The following CSMD1 variants were observed in gnomAD, a reference collection of about 807,000 sequenced individuals.
CSMD1 encodes CUB and sushi domain-containing protein 1.
CSMD1 carries 213 observed loss-of-function variants against 417.5 expected under a neutral mutation model. That is an observed-to-expected ratio of 0.51 (90% confidence interval 0.46 to 0.57). CSMD1 has a LOEUF of 0.57. Among genes scored for constraint, CSMD1 ranks in the 20% least tolerant of loss-of-function variants. The pLI, the probability that CSMD1 is intolerant of heterozygous loss-of-function variation, is 0.00. For synonymous variants in CSMD1, 2,862 were observed against 1,736.8 expected (o/e 1.65, Z -16.11); for missense variants, 6,923 against 4,529.7 (o/e 1.53, Z -15.17).
Position 3,024,464 on chromosome 8 carries a change from C to T in CSMD1, c.7855+4855G>A, listed in dbSNP as rs11991115. 8.3e-3 allele frequency among the ~76,000 whole-genome samples: 1,261 copies of T among 152,140 alleles called. 24 individuals are homozygous for T. Among genetic ancestry groups the T allele is most frequent in the African/African-American group, 0.029 (1,183 of 41,468 alleles). The stretch of plus-strand genomic sequence containing the variant: ...GGGATCACAGGTACATGCCACCACA[C>T]GGGACTAATTTTTGTATTTTTTAGT... On this transcript the variant is annotated intron_variant, in intron 51 of 69. Transcript: ENST00000635120.
At chr8:4,547,742 C>G (rs991600866) in intron 2 of CSMD1, among the ~76,000 whole-genome samples, 1 of 152,076 alleles carries the variant, frequency 6.6e-6, no homozygotes, top group African/African-American at 2.4e-5. Flanking sequence ...GATTCTGATA[C>G]AAGGAATTTT....
At chr8:4,007,832 C>T (rs1816245116) in intron 4 of CSMD1, among the ~76,000 whole-genome samples, 1 of 152,084 alleles carries the variant, frequency 6.6e-6, no homozygotes, top group Non-Finnish European at 1.5e-5. Flanking sequence ...CAAACCATAT[C>T]CTCTCTAAGA....
intron 2 of CSMD1, among the ~76,000 whole-genome samples, chr8:4,553,942 A>G (rs1156460295): frequency 1.3e-5 from 2 of 152,166 alleles, no homozygotes; most frequent in Non-Finnish European, 2.9e-5. Context: ...CTCAATGTGA[A>G]GGAGTCCATT....
chr8:4,628,643 C>T (rs896558737), intron 2 of CSMD1, among the ~76,000 whole-genome samples: 1 of 151,494 alleles, frequency 6.6e-6, no homozygotes, highest in Non-Finnish European at 1.5e-5. Flanking sequence ...ACATGCCCTG[C>T]CAGGGACACT....
chr8:4,346,280 A>G (rs1221421567), intron 3 of CSMD1, among the ~76,000 whole-genome samples: 1 of 152,216 alleles, frequency 6.6e-6, no homozygotes, highest in African/African-American at 2.4e-5. Context: ...TTCATAGCAC[A>G]TGAAAGATAC....
chr8:3,188,849 C>T, intron 35 of CSMD1, 38 bp downstream of exon 35: 1 of 1,461,990 alleles, frequency 6.8e-7, no homozygotes, highest in South Asian at 1.5e-5. Context: ...TGGACCCCAG[C>T]TGAGCCCTGT....
chr8:3,284,679 A>C (rs1427070493), intron 25 of CSMD1: 3 of 268,588 alleles, frequency 1.1e-5, no homozygotes, highest in Non-Finnish European at 7.3e-6. Context: ...ACACAAACCA[A>C]ATATAAGCTT....
At chr8:3,235,983 T>C (rs1164741869) in intron 26 of CSMD1, among the ~76,000 whole-genome samples, 2 of 138,304 alleles carry the variant, frequency 1.4e-5, no homozygotes, top group East Asian at 4.5e-4. Flanking sequence ...AGTGGCACAA[T>C]CTCGGCTCAC....
At chr8:4,596,236 A>G (rs1225466119) in intron 2 of CSMD1, among the ~76,000 whole-genome samples, 3 of 152,200 alleles carry the variant, frequency 2.0e-5, no homozygotes, top group Non-Finnish European at 2.9e-5. Flanking sequence ...AAAAAAAATC[A>G]TAGGACAGTA....
At chr8:4,252,041 C>G (rs1204238389) in intron 3 of CSMD1, among the ~76,000 whole-genome samples, 3 of 152,122 alleles carry the variant, frequency 2.0e-5, no homozygotes, top group Non-Finnish European at 4.4e-5. Flanking sequence ...ACTTGAATTT[C>G]TTTAAGCACA....
chr8:4,151,896 A>C (rs1796589442), intron 3 of CSMD1, among the ~76,000 whole-genome samples: 1 of 152,204 alleles, frequency 6.6e-6, no homozygotes, highest in South Asian at 2.1e-4. Flanking sequence ...ATTAGAGGGC[A>C]GAGAAGTCCA....
intron 3 of CSMD1, among the ~76,000 whole-genome samples, chr8:4,309,096 T>C (rs771659477): frequency 1.1e-4 from 17 of 152,202 alleles, no homozygotes; most frequent in Non-Finnish European, 1.9e-4. Context: ...TTGTAGTCAC[T>C]TGTTCTATCT....
chr8:4,338,379 G>T (rs1208683551), intron 3 of CSMD1, among the ~76,000 whole-genome samples: 1 of 152,042 alleles, frequency 6.6e-6, no homozygotes, highest in Non-Finnish European at 1.5e-5. Flanking sequence ...TCTTATGTTT[G>T]CAAATTACGT....
chr8:4,122,843 G>A (rs75144718), intron 3 of CSMD1, among the ~76,000 whole-genome samples: 7,961 of 152,264 alleles, frequency 0.052, 454 homozygotes, highest in East Asian at 0.25. Flanking sequence ...AGAGTTCACA[G>A]AGAACAGAAA....
At chr8:4,895,019 G>A (rs551525784) in intron 1 of CSMD1, among the ~76,000 whole-genome samples, 1 of 152,226 alleles carries the variant, frequency 6.6e-6, no homozygotes, top group Admixed American at 6.5e-5. Context: ...CACTTCTCTT[G>A]ACCTGAGTTT....
intron 33 of CSMD1, among the ~76,000 whole-genome samples, chr8:3,198,729 C>G (rs1468891489): frequency 6.6e-6 from 1 of 152,092 alleles, no homozygotes; most frequent in Non-Finnish European, 1.5e-5. Context: ...ACGATTGATA[C>G]ATAATATAAC....
intron 26 of CSMD1, among the ~76,000 whole-genome samples, chr8:3,247,224 T>C (rs1799938703): frequency 6.6e-6 from 1 of 152,184 alleles, no homozygotes; most frequent in Non-Finnish European, 1.5e-5. Context: ...CATGCCTTCC[T>C]TGACAAATGT....
At chr8:4,452,177 C>T (rs1441601337) in intron 2 of CSMD1, among the ~76,000 whole-genome samples, 1 of 152,058 alleles carries the variant, frequency 6.6e-6, no homozygotes, top group Non-Finnish European at 1.5e-5. Context: ...TCTTCCTTCT[C>T]TTCGCTTAGT....
intron 2 of CSMD1, among the ~76,000 whole-genome samples, chr8:4,457,066 C>G (rs140752564): frequency 3.2e-3 from 485 of 151,342 alleles, no homozygotes; most frequent in African/African-American, 0.011. Context: ...AAGCCCCATA[C>G]CAGGTGTGTC....
Sources: allele counts gnomAD v4.1 joint callset (sites outside exome capture counted in the v4.1 genomes callset), GRCh38; gene constraint gnomAD v4.1.1; transcripts MANE v1.5; gene names NCBI Gene and HGNC (gene_info 2026-07-23, HGNC 2026-07-21).